TOM1L1: variants seen among roughly 807,000 people sequenced by gnomAD.
TOM1L1 encodes target of myb1 like 1 membrane trafficking protein.
A neutral mutation model predicts 63.4 loss-of-function variants in TOM1L1; 64 were observed. The ratio of observed to expected loss-of-function variants is 1.01; its 90% CI spans 0.83 to 1.24. The LOEUF is 1.24. TOM1L1 is among the 50% of genes most tolerant of loss of function. The pLI is 0.00. For synonymous variants in TOM1L1, 166 were observed against 194.4 expected (o/e 0.85, Z 1.22); for missense variants, 536 against 567.0 (o/e 0.95, Z 0.55).
intron 7 of TOM1L1, among the ~76,000 whole-genome samples, chr17:54,921,621 C>T (rs1054874265): frequency 1.3e-5 from 2 of 151,956 alleles, no homozygotes; most frequent in Admixed American, 1.3e-4. Flanking sequence ...GCCTATAATC[C>T]CAGCTACTCA....
At chr17:54,921,675 G>A (rs1598020368) in intron 7 of TOM1L1, among the ~76,000 whole-genome samples, 1 of 152,064 alleles carries the variant, frequency 6.6e-6, no homozygotes, top group Non-Finnish European at 1.5e-5. Context: ...AGGTTGCAGT[G>A]AGCAGAGATT....
At chr17:54,915,909 T>G (rs2048580455) in intron 7 of TOM1L1, 47 bp downstream of exon 7, 1 of 1,463,624 alleles carries the variant, frequency 6.8e-7, no homozygotes, top group African/African-American at 1.4e-5. Context: ...CTCTTAAAGT[T>G]ATTCTCTAAA....
intron 12 of TOM1L1, among the ~76,000 whole-genome samples, chr17:54,949,019 A>T (rs2049166184): frequency 6.6e-6 from 1 of 152,176 alleles, no homozygotes; most frequent in Admixed American, 6.5e-5. Context: ...TAGGCATAAA[A>T]TCAGACAAAA....
chr17:54,932,187 G>A (rs985158697), intron 8 of TOM1L1, among the ~76,000 whole-genome samples: 2 of 152,206 alleles, frequency 1.3e-5, no homozygotes, highest in Non-Finnish European at 2.9e-5. Context: ...CGAGCTCCCC[G>A]AGTGAGCAAT....
chr17:54,907,606 T>A (rs1289247012), intron 3 of TOM1L1, among the ~76,000 whole-genome samples: 1 of 152,086 alleles, frequency 6.6e-6, no homozygotes, highest in Non-Finnish European at 1.5e-5. Flanking sequence ...CCCACCCTCA[T>A]ACACACACCT....
chr17:54,936,980 C>A, intron 9 of TOM1L1, 129 bp from the exon 10 acceptor site: 1 of 805,354 alleles, frequency 1.2e-6, no homozygotes. Context: ...ACTAATGTTG[C>A]TCGTTGAGTG....
intron 3 of TOM1L1, among the ~76,000 whole-genome samples, chr17:54,911,795 C>A (rs1272816717): frequency 6.6e-6 from 1 of 152,194 alleles, no homozygotes; most frequent in African/African-American, 2.4e-5. Context: ...GACAACCTAT[C>A]CAGAATATTA....
chr17:54,937,085 T>G (rs1189123905), intron 9 of TOM1L1, 24 bp from the exon 10 acceptor site: 22 of 1,558,262 alleles, frequency 1.4e-5, no homozygotes, highest in Non-Finnish European at 1.9e-5. Flanking sequence ...ATGACACTTT[T>G]TTTTTTTTTT....
intron 7 of TOM1L1, 107 bp from the exon 8 acceptor site, chr17:54,929,966 G>C (rs767977889): frequency 1.8e-5 from 25 of 1,396,244 alleles, no homozygotes; most frequent in Non-Finnish European, 2.4e-5. Context: ...TGCCCCACAG[G>C]CTACTTAACG....
At position 54,961,388 on chromosome 17, in the gene TOM1L1, C is replaced by CTA. The variant is rs1374042716; in HGVS notation, c.*155_*156insTA. ...CTATAATGAAGATTAAATAGAATAA[C>CTA]AGTTCCAGGATAACACTGATTCCTG... On this transcript the variant is annotated 3_prime_UTR_variant, in exon 16 of 16. Transcript: ENST00000575882. The CTA allele has an allele frequency of 6.5e-7, 1 of 1,548,296 alleles. No individual in the cohort carries two copies. The highest frequency in any genetic ancestry group is 1.4e-5 in the African/African-American group (1 of 72,916).
At chr17:54,907,327 A>G (rs1308169995) in intron 3 of TOM1L1, among the ~76,000 whole-genome samples, 1 of 152,152 alleles carries the variant, frequency 6.6e-6, no homozygotes, top group Non-Finnish European at 1.5e-5. Context: ...TAGTTCTATT[A>G]TTAACTCCAT....
intron 1 of TOM1L1, among the ~76,000 whole-genome samples, chr17:54,902,771 T>G (rs1186312940): frequency 6.6e-6 from 1 of 152,188 alleles, no homozygotes; most frequent in Non-Finnish European, 1.5e-5. Context: ...TCATACTGAG[T>G]GTTCCATTAC....
intron 12 of TOM1L1, among the ~76,000 whole-genome samples, chr17:54,948,855 C>A (rs1475049004): frequency 6.6e-6 from 1 of 152,130 alleles, no homozygotes; most frequent in East Asian, 1.9e-4. Flanking sequence ...GAGTGCCTCT[C>A]TGTAGATTTA....
chr17:54,916,677 TA>T (rs1216125517), intron 7 of TOM1L1: 1 of 152,242 alleles, frequency 6.6e-6, no homozygotes, highest in Non-Finnish European at 1.5e-5. Context: ...ATTTTTCCTT[TA>T]ACTTCTTAGA....
chr17:54,923,844 G>T (rs959679708), intron 7 of TOM1L1, among the ~76,000 whole-genome samples: 3 of 151,964 alleles, frequency 2.0e-5, no homozygotes, highest in Non-Finnish European at 4.4e-5. Flanking sequence ...AATTAGCCAG[G>T]CATGGTGGCA....
chr17:54,926,342 G>A (rs769788397), intron 7 of TOM1L1, among the ~76,000 whole-genome samples: 19 of 152,154 alleles, frequency 1.2e-4, no homozygotes, highest in Non-Finnish European at 2.6e-4. Flanking sequence ...TAGGAATGAA[G>A]AGTTGCAACA....
rs371309084 is a variant in TOM1L1, at chr17:54,900,875, G to A, written c.10G>A (p.Gly4Ser). ...GCCCTCTGGCGCTACCATGGCGTTT[G>A]GCAAGAGTCACCGGGATCCCTACGC... is the stretch of plus-strand genomic sequence containing the variant. MAF[G>S]KSHRDPYATS... is the part of the protein sequence containing the mutation. The change falls in exon 1 of 16, where the codon GGC becomes AGC. Residue 4 changes from glycine to serine, a missense_variant. Gly to Ser is a moderately conservative substitution (Grantham distance 56). Transcript: ENST00000575882. 8.1e-5 allele frequency: 131 copies of A among 1,613,648 alleles called. No homozygotes were observed. The highest frequency in any genetic ancestry group is 1.0e-4 in the Non-Finnish European group (122 of 1,180,038).
intron 14 of TOM1L1, among the ~76,000 whole-genome samples, 192 bp from the exon 15 acceptor site, chr17:54,960,374 G>A (rs995066205): frequency 1.3e-5 from 2 of 151,872 alleles, no homozygotes; most frequent in Non-Finnish European, 2.9e-5. Flanking sequence ...CAAAAAAAAA[G>A]AAAAAATGAA....
chr17:54,955,999 A>T (rs951195890), intron 14 of TOM1L1, among the ~76,000 whole-genome samples: 1 of 152,078 alleles, frequency 6.6e-6, no homozygotes, highest in Non-Finnish European at 1.5e-5. Context: ...ATGCTTCCAC[A>T]TCCCACTGCT....
Sources: gnomAD v4.1 joint callset for allele counts (sites outside exome capture counted in the v4.1 genomes callset) on GRCh38, gnomAD v4.1.1 for gene constraint, MANE v1.5 for transcripts, NCBI Gene and HGNC (gene_info 2026-07-23, HGNC 2026-07-21) for gene names.